WRN: variants seen among roughly 807,000 people sequenced by gnomAD.
WRN encodes the protein WRN RecQ like helicase, also known as bifunctional 3'-5' exonuclease/ATP-dependent helicase WRN.
In WRN, 149 loss-of-function variants were observed where a neutral mutation model predicts 180.7. That is an observed-to-expected ratio of 0.82 (90% confidence interval 0.72 to 0.94). The LOEUF is 0.94. WRN is among the 40% of genes least tolerant of loss of function. WRN has a pLI of 0.00. For missense variants in WRN, 1,661 were observed against 1,700.1 expected (o/e 0.98, Z 0.40); for synonymous variants, 548 against 568.9 (o/e 0.96, Z 0.52).
At position 31,175,960 on chromosome 8, in the gene WRN, T is replaced by C. The variant is rs2130537848; in HGVS notation, c.*2858T>C. On this transcript the variant is annotated 3_prime_UTR_variant, in exon 35 of 35. Coordinates refer to ENST00000298139, the MANE Select transcript of WRN (RefSeq NM_000553.6). The stretch of plus-strand genomic sequence containing the variant: ...AAGTGGTAGTGATAGATATAACCCA[T>C]ATTAATAAAAGCTCTTTGGGGTCCT... Among the ~76,000 whole-genome samples the C allele has an allele frequency of 6.6e-6, 1 of 152,328 alleles. No individual in the cohort carries two copies. Among genetic ancestry groups the C allele is most frequent in the South Asian group, 2.1e-4 (1 of 4,828 alleles).
intron 1 of WRN, among the ~76,000 whole-genome samples, chr8:31,043,760 A>T (rs1811743243): frequency 6.6e-6 from 1 of 152,136 alleles, no homozygotes; most frequent in Admixed American, 6.5e-5. Flanking sequence ...GAAACAAACT[A>T]TCGAGTATTG....
At chr8:31,106,610 T>G (rs1434478649) in intron 18 of WRN, among the ~76,000 whole-genome samples, 1 of 152,110 alleles carries the variant, frequency 6.6e-6, no homozygotes, top group Non-Finnish European at 1.5e-5. Context: ...TATAGGATGT[T>G]CTCCCATACT....
chr8:31,051,753 AT>A (rs1315101826), intron 1 of WRN, among the ~76,000 whole-genome samples: 3 of 152,192 alleles, frequency 2.0e-5, no homozygotes, highest in African/African-American at 7.2e-5. Context: ...GATTATGGAG[AT>A]TAAAAATCAC....
At chr8:31,043,571 CT>C (rs1811735933) in intron 1 of WRN, among the ~76,000 whole-genome samples, 1 of 151,802 alleles carries the variant, frequency 6.6e-6, no homozygotes, top group Non-Finnish European at 1.5e-5. Flanking sequence ...GGTAATCAGC[CT>C]CTTTTTCCTC....
At chr8:31,168,878 T>C (rs1803998796) in intron 34 of WRN, among the ~76,000 whole-genome samples, 1 of 152,210 alleles carries the variant, frequency 6.6e-6, no homozygotes, top group African/African-American at 2.4e-5. Context: ...TTGTGTTTGT[T>C]ATTAAGATGG....
Position 31,143,624 on chromosome 8 carries a change from G to A in WRN, c.3383+1G>A, listed in dbSNP as rs1413656527. ...CTGGGAGTAACATTTCTAAAAAAAG[G>A]TACAGAGTTCCATATTTCTATGTTC... On this transcript the variant is annotated splice_donor_variant, in intron 28 of 34. Transcript: ENST00000298139. LOFTEE classifies it high-confidence loss of function. 2 of 1,576,388 alleles carry A rather than the reference G, an allele frequency of 1.3e-6. No homozygotes were observed. The highest frequency in any genetic ancestry group is 2.2e-5 in the South Asian group (2 of 89,786).
At chr8:31,135,910 C>T (rs1802381435) in intron 24 of WRN, among the ~76,000 whole-genome samples, 1 of 152,108 alleles carries the variant, frequency 6.6e-6, no homozygotes, top group Admixed American at 6.5e-5. Flanking sequence ...GTCATGTACC[C>T]TGGCCAGTCA....
intron 18 of WRN, among the ~76,000 whole-genome samples, chr8:31,104,259 C>T (rs555344397): frequency 1.5e-3 from 227 of 152,216 alleles, no homozygotes; most frequent in Middle Eastern, 3.4e-3. Flanking sequence ...TTAGCCATTT[C>T]GATAGGTGTC....
chr8:31,125,028 T>G (rs765444712), intron 23 of WRN, 28 bp downstream of exon 23: 1 of 1,586,942 alleles, frequency 6.3e-7, no homozygotes, highest in Non-Finnish European at 8.6e-7. Context: ...TAGATGGACA[T>G]TCTAAAAGTC....
At chr8:31,156,025 C>G (rs1803372689) in intron 32 of WRN, among the ~76,000 whole-genome samples, 1 of 152,168 alleles carries the variant, frequency 6.6e-6, no homozygotes, top group Non-Finnish European at 1.5e-5. Context: ...TTCCATTATA[C>G]TATTTTTGAA....
intron 24 of WRN, among the ~76,000 whole-genome samples, chr8:31,133,501 C>T (rs1035794896): frequency 2.0e-5 from 3 of 150,262 alleles, no homozygotes; most frequent in Non-Finnish European, 2.9e-5. Flanking sequence ...CTCCAGCCTG[C>T]GCGACAGAGC....
In WRN at chr8:31,122,175, A is replaced by G. The variant is rs145748900; in HGVS notation, c.2630+1751A>G. Among the ~76,000 whole-genome samples the G allele has an allele frequency of 3.3e-5, 5 of 152,126 alleles. No homozygotes were observed. In the East Asian group the frequency reaches 9.6e-4, roughly 29 times the overall value. ...AGTGGTGCCAGAAACCCATACTTGA[A>G]TTTTGGGTATAGACAGGTTACCCTT... On this transcript the variant is annotated intron_variant, in intron 21 of 34. Coordinates refer to ENST00000298139, the MANE Select transcript of WRN (RefSeq NM_000553.6).
At chr8:31,067,320 A>G (rs1812750005) in intron 6 of WRN, 138 bp downstream of exon 6, 1 of 1,008,824 alleles carries the variant, frequency 9.9e-7, no homozygotes, top group Non-Finnish European at 1.5e-6. Flanking sequence ...AAAAATGCTT[A>G]GGAAGACATT....
chr8:31,136,529 G>A (rs1233619161), intron 24 of WRN, among the ~76,000 whole-genome samples: 1 of 152,106 alleles, frequency 6.6e-6, no homozygotes, highest in Non-Finnish European at 1.5e-5. Context: ...GTAACATACA[G>A]TTTTAAATTT....
chr8:31,058,881 G>A (rs1476014481), intron 2 of WRN, among the ~76,000 whole-genome samples: 3 of 152,062 alleles, frequency 2.0e-5, no homozygotes, highest in Non-Finnish European at 2.9e-5. Flanking sequence ...GTTGTAATAC[G>A]AATATAATTA....
chr8:31,075,590 C>T (rs1354747732), intron 7 of WRN, among the ~76,000 whole-genome samples: 3 of 151,746 alleles, frequency 2.0e-5, no homozygotes, highest in African/African-American at 7.3e-5. Context: ...CGTGGTGGCA[C>T]ATGCCTGTAG....
At chr8:31,172,538 G>T (rs969751183) in intron 34 of WRN, among the ~76,000 whole-genome samples, 1 of 152,206 alleles carries the variant, frequency 6.6e-6, no homozygotes. Flanking sequence ...TCTACAGGGT[G>T]CTGATTGGAC....
chr8:31,036,108 A>G (rs1585378534), intron 1 of WRN, among the ~76,000 whole-genome samples: 1 of 152,370 alleles, frequency 6.6e-6, no homozygotes. Context: ...AAGTGAGAAC[A>G]TGCGATATTT....
chr8:31,044,095 G>A (rs554125650), intron 1 of WRN, among the ~76,000 whole-genome samples: 1 of 151,768 alleles, frequency 6.6e-6, no homozygotes, highest in African/African-American at 2.4e-5. Flanking sequence ...AGGCTGGAGT[G>A]CAGTGGCACA....
Sources: gnomAD v4.1 joint callset for allele counts (sites outside exome capture counted in the v4.1 genomes callset) on GRCh38, gnomAD v4.1.1 for gene constraint, MANE v1.5 for transcripts, NCBI Gene and HGNC (gene_info 2026-07-23, HGNC 2026-07-21) for gene names.